Variants in OPHN1 observed in about 807,000 individuals in gnomAD.
OPHN1 encodes oligophrenin-1.
In OPHN1, 11 loss-of-function variants were observed where a neutral mutation model predicts 60.7. That is an observed-to-expected ratio of 0.18 (90% CI 0.11 to 0.30). OPHN1 has a LOEUF of 0.30. OPHN1 is among the 10% of genes least tolerant of loss of function. The probability of loss-of-function intolerance (pLI) is 1.00; values close to 1 mark genes in which losing one functional copy is unlikely to be tolerated. For synonymous variants in OPHN1, 226 were observed against 222.6 expected (o/e 1.02, Z -0.14); for missense variants, 449 against 611.0 (o/e 0.73, Z 2.80).
intron 15 of OPHN1, among the ~76,000 whole-genome samples, chrX:68,156,461 T>C (rs1398001410): frequency 1.8e-5 from 2 of 111,242 alleles, no homozygotes; most frequent in East Asian, 5.6e-4. Flanking sequence ...TCACAAATTG[T>C]ACAACTATAA....
intron 5 of OPHN1, among the ~76,000 whole-genome samples, chrX:68,261,962 T>G (rs2077895880): frequency 8.9e-6 from 1 of 111,733 alleles, no homozygotes; most frequent in African/African-American, 3.3e-5. Context: ...AGTTGAGGGC[T>G]AAAAGGGTTA....
rs1195062749 is a variant in OPHN1 at position 68,232,232 on chromosome X, A to G, written c.486+2255T>C. On this transcript the variant is annotated intron_variant, in intron 6 of 24. Coordinates refer to ENST00000355520, the MANE Select transcript of OPHN1 (RefSeq NM_002547.3). ...GTCCAGGGTCCAGAAGACCACCCCA[A>G]TTTTAATAATTCTTTAATAAATCTT... Among the ~76,000 whole-genome samples the G allele has an allele frequency of 3.6e-5, 4 of 111,825 alleles. No individual in the cohort carries two copies. The Admixed American group carries it at 3.8e-4, about 11-fold the overall frequency.
At chrX:68,378,275 GTTGT>G (rs1194357296) in intron 2 of OPHN1, among the ~76,000 whole-genome samples, 78 of 112,007 alleles carry the variant, frequency 7.0e-4, no homozygotes, top group African/African-American at 1.1e-3. Context: ...TTTCGATGGG[GTTGT>G]TTGTTTTTTT....
chrX:68,299,943 G>A (rs1056031422), intron 2 of OPHN1, among the ~76,000 whole-genome samples: 9 of 109,271 alleles, frequency 8.2e-5, no homozygotes, highest in African/African-American at 2.7e-4. Flanking sequence ...CATCATCATC[G>A]CCTGGGAGGT....
intron 15 of OPHN1, among the ~76,000 whole-genome samples, chrX:68,171,978 G>C (rs1268607263): frequency 9.0e-6 from 1 of 111,152 alleles, no homozygotes; most frequent in Non-Finnish European, 1.9e-5. Flanking sequence ...ACGTTGGTGA[G>C]GATGTGTAGA....
intron 2 of OPHN1, among the ~76,000 whole-genome samples, chrX:68,406,550 T>C (rs1033572335): frequency 9.0e-6 from 1 of 110,557 alleles, no homozygotes; most frequent in African/African-American, 3.3e-5. Context: ...AGGTGGAGGT[T>C]GCAGTGAGCC....
At chrX:68,139,625 G>A (rs998775350) in intron 15 of OPHN1, among the ~76,000 whole-genome samples, 2 of 112,398 alleles carry the variant, frequency 1.8e-5, no homozygotes, top group Non-Finnish European at 3.8e-5. Context: ...GGGTGGCTGG[G>A]AGCCAGGTGT....
chrX:68,315,738 A>G (rs1478057901), intron 2 of OPHN1, among the ~76,000 whole-genome samples: 3 of 111,525 alleles, frequency 2.7e-5, no homozygotes, highest in Non-Finnish European at 5.6e-5. Context: ...AACCAACACA[A>G]AAAAAACAGT....
chrX:68,147,316 G>A (rs1194367223), intron 15 of OPHN1, among the ~76,000 whole-genome samples: 1 of 111,961 alleles, frequency 8.9e-6, no homozygotes, highest in African/African-American at 3.2e-5. Context: ...AGTGTGATTG[G>A]GAGAGAGTCA....
chrX:68,073,975 G>A (rs142946500), intron 19 of OPHN1, among the ~76,000 whole-genome samples: 1,979 of 112,523 alleles, frequency 0.018, 23 homozygotes, highest in Non-Finnish European at 0.027. Flanking sequence ...GATGCTATAA[G>A]AAGTGCCGAA....
intron 15 of OPHN1, among the ~76,000 whole-genome samples, chrX:68,120,474 C>T (rs1351333504): frequency 9.0e-6 from 1 of 111,723 alleles, no homozygotes; most frequent in Non-Finnish European, 1.9e-5. Flanking sequence ...CTATAAAACA[C>T]TGATAAAACA....
At position 68,162,291 on chromosome X, in the gene OPHN1, G is replaced by GT. The variant is rs1243427684; in HGVS notation, c.1276+30627dup. 5.4e-5 allele frequency among the ~76,000 whole-genome samples: 6 copies of GT among 110,171 alleles called. No individual in the cohort carries two copies. In the South Asian group the frequency reaches 1.9e-3, roughly 36 times the overall value. ...GCTTTCAAGCTATTGAAAATGTTCT[G>GT]TTTTTTATGCTGAGTTCTTATAGAC... On this transcript the variant is annotated intron_variant, in intron 15 of 24. Transcript: ENST00000355520.
chrX:68,423,439 GT>G lies in OPHN1; in HGVS notation c.154+9427del, dbSNP rs111957792. On this transcript the variant is annotated intron_variant, in intron 2 of 24. Transcript: ENST00000355520. ...TGTCACCTGTTTCTCCAAACACAATGTTTTTTTTTTTTTCAAACAGCTCTGA... is the reference window on the plus strand; with the variant it reads ...TGTCACCTGTTTCTCCAAACACAATGTTTTTTTTTTTTCAAACAGCTCTGA... 4.5e-3 allele frequency among the ~76,000 whole-genome samples: 458 copies of G among 101,116 alleles called. 1 individual carries two copies. The highest frequency in any genetic ancestry group is 0.014 in the African/African-American group (401 of 27,935). The allele number at this position is 101,116 out of a possible 115,157, so 87.8% of individuals were successfully genotyped here.
intron 2 of OPHN1, among the ~76,000 whole-genome samples, chrX:68,423,585 A>G (rs1018755965): frequency 7.2e-5 from 8 of 110,793 alleles, no homozygotes; most frequent in Non-Finnish European, 1.3e-4. Flanking sequence ...GTCCCAATAC[A>G]TTCCAACCCC....
At chrX:68,196,560 G>T (rs1010526291) in intron 12 of OPHN1, among the ~76,000 whole-genome samples, 1 of 111,861 alleles carries the variant, frequency 8.9e-6, no homozygotes, top group Non-Finnish European at 1.9e-5. Flanking sequence ...AAACCAGAAT[G>T]TTTTTCAATT....
chrX:68,264,823 C>G (rs1279769828), intron 5 of OPHN1, among the ~76,000 whole-genome samples: 2 of 112,189 alleles, frequency 1.8e-5, no homozygotes, highest in Non-Finnish European at 3.8e-5. Context: ...CGGGTCACTC[C>G]CACCCTAATA....
At chrX:68,276,535 C>T (rs1246940463) in intron 4 of OPHN1, among the ~76,000 whole-genome samples, 1 of 111,591 alleles carries the variant, frequency 9.0e-6, no homozygotes, top group Non-Finnish European at 1.9e-5. Context: ...ACTTCTTCTA[C>T]TAAAAATACC....
chrX:68,163,348 G>A (rs1274846886), intron 15 of OPHN1, among the ~76,000 whole-genome samples: 2 of 109,621 alleles, frequency 1.8e-5, no homozygotes, highest in African/African-American at 6.6e-5. Flanking sequence ...TCTCTTTTGG[G>A]CTAATATCAT....
intron 15 of OPHN1, among the ~76,000 whole-genome samples, chrX:68,129,874 C>T (rs1484013646): frequency 8.9e-6 from 1 of 112,168 alleles, no homozygotes; most frequent in African/African-American, 3.2e-5. Context: ...GCCCATCATG[C>T]TCTGACATAA....
Sources: gnomAD v4.1 joint callset for allele counts (sites outside exome capture counted in the v4.1 genomes callset) on GRCh38, gnomAD v4.1.1 for gene constraint, MANE v1.5 for transcripts, NCBI Gene and HGNC (gene_info 2026-07-23, HGNC 2026-07-21) for gene names.